GPR132: variants seen among roughly 807,000 people sequenced by gnomAD.
The protein encoded by GPR132 is probable G protein-coupled receptor 132.
GPR132 carries 4 observed loss-of-function variants against 1.9 expected under a neutral mutation model. The ratio of observed to expected loss-of-function variants is 2.13; its 90% CI spans 1.05 to 4.87. The LOEUF (loss-of-function observed/expected upper bound fraction) is 4.87, where lower values mean the gene tolerates loss of function less well. Ranked by LOEUF, GPR132 falls within the 30% of genes most tolerant of loss-of-function variation. The pLI, the probability that GPR132 is intolerant of heterozygous loss-of-function variation, is 0.01. For synonymous variants in GPR132, 233 were observed against 234.2 expected, an observed-to-expected ratio of 0.99 and a Z score of 0.05; for missense variants, 404 against 512.5, an observed-to-expected ratio of 0.79 and a Z score of 2.04.
At chr14:105,063,918 C>T (rs1354104553) in intron 1 of GPR132, among the ~76,000 whole-genome samples, 5 of 152,050 alleles carry the variant, frequency 3.3e-5, no homozygotes, top group Admixed American at 6.5e-5. Flanking sequence ...CGGCTCACCA[C>T]AACCTCCACC....
chr14:105,061,363 G>A (rs1886937990), intron 1 of GPR132, among the ~76,000 whole-genome samples: 1 of 152,230 alleles, frequency 6.6e-6, no homozygotes, highest in Admixed American at 6.5e-5. Context: ...ACCAGGGTCC[G>A]GGGTCCCGCC....
At position 105,057,255 on chromosome 14, in the gene GPR132, C is replaced by T. The variant is rs1205166816; in HGVS notation, c.-835G>A. ...ATGCGTCTTGTCGGTCCTATCAAGA[C>T]GTTCACTCTGAGAGTTTAAAATGAC... On this transcript the variant is annotated 5_prime_UTR_variant, in exon 2 of 4. Transcript: ENST00000329797. 7.2e-6 allele frequency: 7 copies of T among 971,888 alleles called. No individual in the cohort carries two copies. The highest frequency in any genetic ancestry group is 4.3e-5 in the South Asian group (3 of 70,260). 60.2% of individuals were successfully genotyped at this position (971,888 alleles called of 1,614,324 possible).
intron 1 of GPR132, among the ~76,000 whole-genome samples, chr14:105,064,988 GC>G (rs369206131): frequency 9.8e-4 from 149 of 151,782 alleles, no homozygotes; most frequent in African/African-American, 3.4e-3. Context: ...GCCCTTCAGT[GC>G]CCCCCGACCA....
intron 3 of GPR132, 93 bp from the exon 4 acceptor site, chr14:105,052,195 A>ACG: frequency 4.8e-6 from 5 of 1,035,234 alleles, no homozygotes; most frequent in South Asian, 3.4e-5. Flanking sequence ...GCTTTGTGGT[A>ACG]GCTCAGACTA....
Position 105,050,762 on chromosome 14 carries a change from C to T in GPR132, c.*232G>A. The T allele has an allele frequency of 1.8e-6, 1 of 566,954 alleles. No individual in the cohort carries two copies. Among genetic ancestry groups the T allele is most frequent in the Non-Finnish European group, 3.1e-6 (1 of 317,972 alleles). 35.1% of individuals were successfully genotyped at this position (566,954 alleles called of 1,614,324 possible). On this transcript the variant is annotated 3_prime_UTR_variant, in exon 4 of 4. Coordinates refer to ENST00000329797, the MANE Select transcript of GPR132 (RefSeq NM_013345.4). The surrounding 1 kb of genome is among the most constrained non-coding windows in gnomAD (Gnocchi z 4.0). ...GAGGCCCCACTGCCTGCCACATGCT[C>T]TCTGGGCTCCCGGAAGCCTGGAGGT...
intron 1 of GPR132, among the ~76,000 whole-genome samples, chr14:105,058,214 A>C (rs1334502167): frequency 6.6e-6 from 1 of 152,012 alleles, no homozygotes; most frequent in African/African-American, 2.4e-5. Context: ...ACAAAAATAT[A>C]AACAGGCATG....
intron 1 of GPR132, among the ~76,000 whole-genome samples, chr14:105,063,566 G>A (rs1287683264): frequency 2.6e-5 from 4 of 151,462 alleles, no homozygotes; most frequent in Non-Finnish European, 5.9e-5. Flanking sequence ...TAGTAGAGAA[G>A]GGGTTTCGCC....
In GPR132 at chr14:105,052,022, C is replaced by A. The variant is rs772680135; in HGVS notation, c.115G>T (p.Glu39Ter). ...SAKTCNNVSF[E>*]ESRIVLVVVY... Reference sequence around the variant, plus strand: ...ACGACCAGGACTATCCTGCTCTCTTCGAAGGACACGTTGTTGCAGGTCTTG... The same window carrying A: ...ACGACCAGGACTATCCTGCTCTCTTAGAAGGACACGTTGTTGCAGGTCTTG... The change falls in exon 4 of 4, where the codon GAA (glutamate) becomes TAA (stop). Residue 39 changes from glutamate (E) to a stop codon, truncating the protein, a stop_gained. Coordinates refer to ENST00000329797, the MANE Select transcript of GPR132 (RefSeq NM_013345.4). LOFTEE classifies it low-confidence loss of function (END_TRUNC). The A allele has an allele frequency of 6.2e-7, 1 of 1,610,264 alleles. No individual in the cohort carries two copies. The highest frequency in any genetic ancestry group is 1.1e-5 in the South Asian group (1 of 91,048).
rs762091715 is a variant in GPR132, at chr14:105,051,858, G to A, written c.279C>T (p.Gly93=). ...CLALCELLYT[G]TLPLWVIYIR... ...TATAGATGACCCAGAGTGGCAGCGT[G>A]CCTGTGTACAGCAGCTCGCAGAGTG... The change falls in exon 4 of 4, where the codon GGC becomes GGT. Residue 93 remains glycine, a synonymous_variant. Transcript: ENST00000329797. This position sits in a 1 kb window ranked among gnomAD's most constrained non-coding sequence, Gnocchi z 8.0. The A allele has an allele frequency of 6.2e-7, 1 of 1,613,954 alleles. No homozygotes were observed. The highest frequency in any genetic ancestry group is 8.5e-7 in the Non-Finnish European group (1 of 1,180,032).
chr14:105,064,854 C>T (rs1259301891), intron 1 of GPR132, among the ~76,000 whole-genome samples: 1 of 152,160 alleles, frequency 6.6e-6, no homozygotes, highest in African/African-American at 2.4e-5. Context: ...CGGTGACCTG[C>T]CCAGCTCCAG....
intron 3 of GPR132, chr14:105,054,415 C>T: frequency 1.0e-6 from 1 of 973,876 alleles, no homozygotes; most frequent in Non-Finnish European, 1.2e-6. Context: ...CATTGTGTCG[C>T]TCTTTTTTTT....
chr14:105,051,629 C>A lies in GPR132; in HGVS notation c.508G>T (p.Val170Phe). ...ILISACIFIL[V>F]GIVHYPVFQT... Reference sequence around the variant, plus strand: ...AACACCGGGTAGTGAACGATCCCGACGAGGATGAAGATGCAGGCGGAGATG... The same window carrying A: ...AACACCGGGTAGTGAACGATCCCGAAGAGGATGAAGATGCAGGCGGAGATG... The change falls in exon 4 of 4, where the codon GTC becomes TTC. Residue 170 changes from valine (V) to phenylalanine (F), a missense_variant. Physicochemically the swap from Val to Phe is conservative, Grantham distance 50. Coordinates refer to ENST00000329797, the MANE Select transcript of GPR132 (RefSeq NM_013345.4). The surrounding 1 kb of genome is among the most constrained non-coding windows in gnomAD (Gnocchi z 8.0). 1 of 1,614,008 alleles carries A rather than the reference C, an allele frequency of 6.2e-7. No individual in the cohort carries two copies. The highest frequency in any genetic ancestry group is 8.5e-7 in the Non-Finnish European group (1 of 1,180,048).
Position 105,051,122 on chromosome 14 carries a change from T to C in GPR132, c.1015A>G (p.Thr339Ala), listed in dbSNP as rs1886623692. ...WSMKTDVTRLTHSRDTEELQS... is the reference protein window; with the variant it reads ...WSMKTDVTRLAHSRDTEELQS... ...AGCTCCTCGGTGTCCCTGCTGTGGG[T>C]GAGCCTGGTGACGTCTGTCTTCATG... Residue 339 changes from threonine to alanine, a missense_variant, in exon 4 of 4, where the codon ACC (threonine) becomes GCC (alanine). Thr to Ala is a moderately conservative substitution (Grantham distance 58, BLOSUM62 0). Transcript: ENST00000329797. The surrounding 1 kb of genome is among the most constrained non-coding windows in gnomAD (Gnocchi z 8.0). 7 of 1,614,136 alleles carry C rather than the reference T, an allele frequency of 4.3e-6. No homozygotes were observed. The East Asian group carries it at 1.6e-4, about 36-fold the overall frequency.
At position 105,060,599 on chromosome 14, in the gene GPR132, A is replaced by C. The variant is rs547928043; in HGVS notation, c.-860-3319T>G. 6.6e-6 allele frequency among the ~76,000 whole-genome samples: 1 copy of C among 152,336 alleles called. No homozygotes were observed. The highest frequency in any genetic ancestry group is 2.4e-5 in the African/African-American group (1 of 41,584). ...CACGAGGCAGGGACCTCTCCTGTCA[A>C]ATGAGCAGGAGTGAGCACATGGAGC... On this transcript the variant is annotated intron_variant, in intron 1 of 3. Coordinates refer to ENST00000329797, the MANE Select transcript of GPR132 (RefSeq NM_013345.4). The surrounding 1 kb of genome is among the most constrained non-coding windows in gnomAD (Gnocchi z 6.3).
chr14:105,062,450 C>T (rs900114950), intron 1 of GPR132, among the ~76,000 whole-genome samples: 19 of 152,278 alleles, frequency 1.2e-4, no homozygotes, highest in South Asian at 2.1e-4. Context: ...TCACACTTTC[C>T]GTGCTTCTTC....
rs1886760367 is a variant in GPR132 at position 105,055,301 on chromosome 14, TG to T, written c.34+85del. ...GAGATTGTGCCACTGCACTCCAGCC[TG>T]GGCGATAGAGTGAGACTCAATCGCA... On this transcript the variant is annotated intron_variant, in intron 3 of 3. Coordinates refer to ENST00000329797, the MANE Select transcript of GPR132 (RefSeq NM_013345.4). This position sits in a 1 kb window ranked among gnomAD's most constrained non-coding sequence, Gnocchi z 4.7. The T allele has an allele frequency of 2.6e-6, 2 of 775,966 alleles. No individual in the cohort carries two copies. The highest frequency in any genetic ancestry group is 4.8e-6 in the Non-Finnish European group (2 of 414,396). 48.1% of individuals were successfully genotyped at this position (775,966 alleles called of 1,614,324 possible).
chr14:105,057,299 GA>G lies in GPR132; in HGVS notation c.-860-20del. ...AAATGACCTGGAAAAAGAGTAGGTT[GA>G]AATTGTTTTAGGGAAATCAGATTGA... On this transcript the variant is annotated intron_variant, in intron 1 of 3. Coordinates refer to ENST00000329797, the MANE Select transcript of GPR132 (RefSeq NM_013345.4). The G allele has an allele frequency of 1.4e-6, 1 of 713,730 alleles. No individual in the cohort carries two copies. Among genetic ancestry groups the G allele is most frequent in the Non-Finnish European group, 2.4e-6 (1 of 410,426 alleles). 44.2% of individuals were successfully genotyped at this position (713,730 alleles called of 1,614,324 possible). A position where few individuals can be genotyped will look rare whatever the true frequency, so the allele number is the denominator to read the frequency against.
rs1789541848 is a variant in GPR132, at chr14:105,055,605, T to C, written c.-185A>G. On this transcript the variant is annotated 5_prime_UTR_variant, in exon 3 of 4. Transcript: ENST00000329797. The surrounding 1 kb of genome is among the most constrained non-coding windows in gnomAD (Gnocchi z 4.7). ...CCACGTGGGTGGGCATCTCTGCGTG[T>C]CTTCAGCGTGTGTCCTTCCGTGTCT... is the stretch of plus-strand genomic sequence containing the variant. The C allele has an allele frequency of 1.5e-6, 1 of 649,826 alleles. No individual in the cohort carries two copies. Among genetic ancestry groups the C allele is most frequent in the African/African-American group, 1.8e-5 (1 of 54,506 alleles). The allele number at this position is 649,826 out of a possible 1,614,324, so 40.3% of individuals were successfully genotyped here.
chr14:105,064,450 C>T (rs560376109), intron 1 of GPR132, among the ~76,000 whole-genome samples: 14 of 152,252 alleles, frequency 9.2e-5, no homozygotes, highest in Middle Eastern at 3.4e-3. Context: ...TCTCCTGCCT[C>T]GGCCTCCCAA....
Sources: gnomAD v4.1 joint callset for allele counts (sites outside exome capture counted in the v4.1 genomes callset) on GRCh38, gnomAD v4.1.1 for gene constraint, Gnocchi (gnomAD v3.1) non-coding constraint, MANE v1.5 for transcripts, NCBI Gene and HGNC (gene_info 2026-07-23, HGNC 2026-07-21) for gene names.